GREB1: variants seen among roughly 807,000 people sequenced by gnomAD.
The protein encoded by GREB1 is growth regulating estrogen receptor binding 1.
Under a neutral mutation model 200.7 loss-of-function variants are expected in GREB1, and 106 were observed. That is an observed-to-expected ratio of 0.53 (90% CI 0.45 to 0.62). GREB1 has a LOEUF of 0.62. Among genes scored for constraint, GREB1 ranks in the 20% least tolerant of loss-of-function variants. The pLI, the probability that GREB1 is intolerant of heterozygous loss-of-function variation, is 0.00. For synonymous variants in GREB1, 1,132 were observed against 1,092.4 expected (o/e 1.04, Z -0.72); for missense variants, 2,243 against 2,556.8 (o/e 0.88, Z 2.65).
chr2:11,502,521 C>T (rs948332700), intron 1 of GREB1, among the ~76,000 whole-genome samples: 4 of 151,852 alleles, frequency 2.6e-5, no homozygotes, highest in Admixed American at 1.3e-4. Flanking sequence ...TGTGTCTGGC[C>T]GGATTTCTTC....
At chr2:11,556,844 A>C in intron 2 of GREB1, 73 bp downstream of exon 2, 1 of 1,150,850 alleles carries the variant, frequency 8.7e-7, no homozygotes, top group Non-Finnish European at 1.2e-6. Flanking sequence ...CCAGAACTTG[A>C]AACTCTTTTC....
chr2:11,491,427 G>A (rs561536066), intron 1 of GREB1, among the ~76,000 whole-genome samples: 1 of 152,122 alleles, frequency 6.6e-6, no homozygotes, highest in Non-Finnish European at 1.5e-5. Flanking sequence ...CTAAAGAAAT[G>A]GGCTAAATCA....
intron 1 of GREB1, among the ~76,000 whole-genome samples, chr2:11,542,430 C>T (rs941722187): frequency 3.9e-5 from 6 of 152,106 alleles, no homozygotes; most frequent in Non-Finnish European, 5.9e-5. Flanking sequence ...ATGCCATTCC[C>T]TTGCAGATCC....
In GREB1 at chr2:11,634,960, C is replaced by T. The variant is rs1055235027; in HGVS notation, c.5211-310C>T. Among the ~76,000 whole-genome samples the T allele has an allele frequency of 4.6e-5, 7 of 152,326 alleles. 1 individual carries two copies. In the South Asian group the frequency reaches 8.3e-4, roughly 18 times the overall value. On this transcript the variant is annotated intron_variant, in intron 29 of 32. Coordinates refer to ENST00000381486, the MANE Select transcript of GREB1 (RefSeq NM_014668.4). ...TTTCTTTTTCACCGATGCGTGAGGT[C>T]GTGTTGGTAACGTTTCTCACGTGCA... is the stretch of plus-strand genomic sequence containing the variant.
At chr2:11,632,774 A>G (rs1684988975) in intron 27 of GREB1, 115 bp from the exon 28 acceptor site, 7 of 771,540 alleles carry the variant, frequency 9.1e-6, no homozygotes, top group South Asian at 8.6e-5. Flanking sequence ...GATTCATGTC[A>G]GGAAGGTCGG....
At chr2:11,505,580 C>T (rs6756327) in intron 1 of GREB1, among the ~76,000 whole-genome samples, 149,522 of 152,344 alleles carry the variant, frequency 0.98, 73,407 homozygotes, top group South Asian at 1. Flanking sequence ...CAGTGGCTAA[C>T]GCCTGTAACC....
At chr2:11,617,227 C>G (rs111644957) in intron 21 of GREB1, among the ~76,000 whole-genome samples, 36 of 152,368 alleles carry the variant, frequency 2.4e-4, no homozygotes, top group African/African-American at 7.9e-4. Flanking sequence ...CACACGGTCT[C>G]TGCCCTAAGG....
Position 11,492,730 on chromosome 2 carries a change from C to A in GREB1, c.-159+10349C>A, listed in dbSNP as rs895566402. ...CATCTGGACTGTGCCCTAGGGCAGC[C>A]CCCTTGAGACTCACACTGAAGGCCT... On this transcript the variant is annotated intron_variant, in intron 1 of 2. Coordinates refer to the GREB1 transcript ENST00000628795. The surrounding 1 kb of genome is among the most constrained non-coding windows in gnomAD (Gnocchi z 4.0). Among the ~76,000 whole-genome samples, 2 of 152,170 alleles carry A rather than the reference C, an allele frequency of 1.3e-5. No individual in the cohort carries two copies. Among genetic ancestry groups the A allele is most frequent in the East Asian group, 3.9e-4 (2 of 5,194 alleles).
chr2:11,516,752 C>T (rs1361542806), intron 1 of GREB1, among the ~76,000 whole-genome samples: 1 of 152,208 alleles, frequency 6.6e-6, no homozygotes, highest in East Asian at 1.9e-4. Context: ...AGGGAAAGAC[C>T]TGCACCCAAG....
In GREB1 at chr2:11,635,375, C is replaced by T. The variant is rs531519165; in HGVS notation, c.5316C>T (p.Gly1772=). 1.1e-5 allele frequency: 17 copies of T among 1,612,826 alleles called. No homozygotes were observed. Among genetic ancestry groups the T allele is most frequent in the South Asian group, 9.9e-5 (9 of 90,838 alleles). ...FSVMKKQIVV[G]GHRSFHITSK... is the part of the protein sequence containing the mutation. ...TGATGAAGAAGCAGATCGTGGTGGGCGGCCACAGGTCCTTCCACATCACAT... is the reference window on the plus strand; with the variant it reads ...TGATGAAGAAGCAGATCGTGGTGGGTGGCCACAGGTCCTTCCACATCACAT... Residue 1772 remains glycine, a synonymous_variant, in exon 30 of 33, where the codon GGC becomes GGT. Transcript: ENST00000381486.
At chr2:11,611,172 G>C (rs555536285) in intron 18 of GREB1, 145 bp downstream of exon 18, 23 of 671,822 alleles carry the variant, frequency 3.4e-5, no homozygotes, top group Admixed American at 5.9e-5. Flanking sequence ...CCTCCTCTCT[G>C]TGCTTCCCCA....
intron 3 of GREB1, among the ~76,000 whole-genome samples, chr2:11,565,914 G>C (rs759999787): frequency 2.6e-5 from 4 of 152,148 alleles, no homozygotes; most frequent in Non-Finnish European, 5.9e-5. Flanking sequence ...TTGCCGTCAT[G>C]TGTTTAAAAT....
At chr2:11,609,286 A>G (rs541728364) in intron 17 of GREB1, among the ~76,000 whole-genome samples, 9 of 151,240 alleles carry the variant, frequency 6.0e-5, no homozygotes, top group African/African-American at 2.2e-4. Flanking sequence ...TTATTTAGAG[A>G]TGGAGTCTCG....
intron 10 of GREB1, among the ~76,000 whole-genome samples, chr2:11,592,505 C>T (rs1277872031): frequency 6.6e-6 from 1 of 151,676 alleles, no homozygotes; most frequent in Non-Finnish European, 1.5e-5. Context: ...GATGCTTAAT[C>T]TTAAAAATAA....
At position 11,548,274 on chromosome 2, in the gene GREB1, C is replaced by T. The variant is rs1352073932; in HGVS notation, c.-161-8180C>T. ...AACATATGTGCACACACATGTACAG[C>T]CAGACACATGCACACACGTGCACAT... On this transcript the variant is annotated intron_variant, in intron 1 of 32. Coordinates refer to ENST00000381486, the MANE Select transcript of GREB1 (RefSeq NM_014668.4). The surrounding 1 kb of genome is among the most constrained non-coding windows in gnomAD (Gnocchi z 5.1). Among the ~76,000 whole-genome samples the T allele has an allele frequency of 4.4e-5, 3 of 68,734 alleles. No homozygotes were observed. The highest frequency in any genetic ancestry group is 7.1e-4 in the South Asian group (1 of 1,414). 45.1% of individuals were successfully genotyped at this position (68,734 alleles called of 152,430 possible). A position where few individuals can be genotyped will look rare whatever the true frequency, so the allele number is the denominator to read the frequency against.
chr2:11,610,836 C>T lies in GREB1; in HGVS notation c.2815C>T (p.Pro939Ser). 1 of 1,613,446 alleles carries T rather than the reference C, an allele frequency of 6.2e-7. No homozygotes were observed. The highest frequency in any genetic ancestry group is 8.5e-7 in the Non-Finnish European group (1 of 1,179,956). ...LEITQNLLNS[P>S]KQCPCGHGLM... ...GATCACGCAGAACCTCCTCAACTCC[C>T]CGAAGCAGTGCCCCTGCGGCCACGG... Residue 939 changes from proline (P) to serine (S), a missense_variant, in exon 18 of 33, where the codon CCG becomes TCG. Pro to Ser is a moderately conservative substitution (Grantham distance 74, BLOSUM62 -1). Transcript: ENST00000381486.
At chr2:11,488,414 G>A (rs551047983) in intron 1 of GREB1, among the ~76,000 whole-genome samples, 1 of 152,320 alleles carries the variant, frequency 6.6e-6, no homozygotes, top group African/African-American at 2.4e-5. Flanking sequence ...TTCCCTCTGT[G>A]CAGAATGATA....
chr2:11,601,880 A>G (rs1221697593), intron 16 of GREB1, among the ~76,000 whole-genome samples: 2 of 152,240 alleles, frequency 1.3e-5, no homozygotes, highest in East Asian at 3.8e-4. Flanking sequence ...GACCCAGGCC[A>G]CTGGCTCCAT....
intron 10 of GREB1, chr2:11,592,187 CTT>C (rs60260708): frequency 0.014 from 4,278 of 307,632 alleles, no homozygotes; most frequent in Non-Finnish European, 0.017. Flanking sequence ...TTTTTTTTTT[CTT>C]TTTTTTTTTT....
Sources: gnomAD v4.1 joint callset for allele counts (sites outside exome capture counted in the v4.1 genomes callset) on GRCh38, gnomAD v4.1.1 for gene constraint, Gnocchi (gnomAD v3.1) non-coding constraint, MANE v1.5 for transcripts, NCBI Gene and HGNC (gene_info 2026-07-23, HGNC 2026-07-21) for gene names.